The following PARL variants were observed in gnomAD, a reference collection of about 807,000 sequenced individuals.
The protein encoded by PARL is presenilin associated rhomboid like.
PARL carries 44 observed loss-of-function variants against 51.6 expected under a neutral mutation model. That is an observed-to-expected ratio of 0.85 (90% CI 0.67 to 1.10). PARL has a LOEUF of 1.10. PARL is among the 50% of genes least tolerant of loss of function. The probability of loss-of-function intolerance (pLI) is 0.00; values close to 1 mark genes in which losing one functional copy is unlikely to be tolerated. For missense variants in PARL, 441 were observed against 469.5 expected, an observed-to-expected ratio of 0.94 and a Z score of 0.56; for synonymous variants, 172 against 164.0, an observed-to-expected ratio of 1.05 and a Z score of -0.37.
chr3:183,882,222 A>AAAATATAT (rs1401913573), intron 1 of PARL, among the ~76,000 whole-genome samples: 2 of 46,104 alleles, frequency 4.3e-5, no homozygotes, highest in African/African-American at 7.9e-5. Flanking sequence ...AAAAAAAAAA[A>AAAATATAT]ATATATATAT....
intron 1 of PARL, among the ~76,000 whole-genome samples, chr3:183,868,800 C>T (rs1036933717): frequency 5.9e-5 from 9 of 152,156 alleles, no homozygotes; most frequent in Non-Finnish European, 1.3e-4. Flanking sequence ...GTCCTTGAAG[C>T]CACTCCAAAT....
intron 1 of PARL, among the ~76,000 whole-genome samples, chr3:183,881,271 G>A (rs1734406903): frequency 6.6e-6 from 1 of 151,968 alleles, no homozygotes; most frequent in South Asian, 2.1e-4. Flanking sequence ...ACAGGCCCCT[G>A]CCACCGTGCC....
At chr3:183,851,776 A>C (rs1730574635) in intron 4 of PARL, among the ~76,000 whole-genome samples, 1 of 152,214 alleles carries the variant, frequency 6.6e-6, no homozygotes, top group African/African-American at 2.4e-5. Context: ...ATACTCAATA[A>C]GCACATGAAA....
intron 1 of PARL, among the ~76,000 whole-genome samples, chr3:183,869,460 G>T (rs1199133631): frequency 6.6e-6 from 1 of 151,940 alleles, no homozygotes; most frequent in African/African-American, 2.4e-5. Context: ...CACCCGCATT[G>T]GCCTCCCAAA....
At chr3:183,836,217 C>CAAAAAAAAAAAAAA (rs56354792) in intron 7 of PARL, among the ~76,000 whole-genome samples, 3 of 84,290 alleles carry the variant, frequency 3.6e-5, no homozygotes, top group African/African-American at 1.6e-4. Flanking sequence ...AACTCCATCT[C>CAAAAAAAAAAAAAA]AAAAAAAAAA....
chr3:183,841,083 T>G (rs976421079), intron 6 of PARL, among the ~76,000 whole-genome samples: 4 of 152,120 alleles, frequency 2.6e-5, no homozygotes, highest in Non-Finnish European at 1.5e-5. Flanking sequence ...AACTATAACA[T>G]GAAGACTCAT....
intron 4 of PARL, among the ~76,000 whole-genome samples, chr3:183,847,980 T>C (rs1246511665): frequency 6.6e-6 from 1 of 152,228 alleles, no homozygotes; most frequent in Non-Finnish European, 1.5e-5. Context: ...TTGGCACTAC[T>C]GATTCAGGAA....
At chr3:183,830,986 T>G (rs1236396227) in intron 9 of PARL, among the ~76,000 whole-genome samples, 1 of 152,194 alleles carries the variant, frequency 6.6e-6, no homozygotes, top group African/African-American at 2.4e-5. Flanking sequence ...CCCAAATCTT[T>G]TTTGTTGTTA....
At chr3:183,872,823 G>C (rs1379860394) in intron 1 of PARL, among the ~76,000 whole-genome samples, 1 of 152,046 alleles carries the variant, frequency 6.6e-6, no homozygotes, top group African/African-American at 2.4e-5. Context: ...CCTTCTTTCT[G>C]CCTTAAATAA....
In PARL at chr3:183,833,791, C is replaced by G. The variant is rs751078630; in HGVS notation, c.863G>C (p.Cys288Ser). The G allele has an allele frequency of 6.2e-7, 1 of 1,613,272 alleles. No homozygotes were observed. The highest frequency in any genetic ancestry group is 1.7e-5 in the Admixed American group (1 of 60,022). The change falls in exon 8 of 10, where the codon TGC (cysteine) becomes TCC (serine). Residue 288 changes from cysteine to serine, a missense_variant. Physicochemically the swap from Cys to Ser is moderately radical, Grantham distance 112. Coordinates refer to ENST00000317096, the MANE Select transcript of PARL (RefSeq NM_018622.7). ...AAGCCTCCCTTCTGGGATCTTAGTG[C>G]AGACAGCTGCGAGGACTGTCATGAT... ...GAIMTVLAAV[C>S]TKIPEGRLAI...
intron 1 of PARL, among the ~76,000 whole-genome samples, chr3:183,870,881 T>A (rs1465730275): frequency 6.6e-6 from 1 of 152,138 alleles, no homozygotes; most frequent in Non-Finnish European, 1.5e-5. Flanking sequence ...CCCTTTAACT[T>A]TTTTGGGCCC....
intron 6 of PARL, among the ~76,000 whole-genome samples, chr3:183,840,867 T>C (rs1183752894): frequency 6.6e-6 from 1 of 152,026 alleles, no homozygotes; most frequent in Non-Finnish European, 1.5e-5. Context: ...CGGCACCACA[T>C]CCAGCCATGA....
At chr3:183,828,593 T>C (rs757786180), downstream of PARL, among the ~76,000 whole-genome samples, 2 of 152,210 alleles carry the variant, frequency 1.3e-5, no homozygotes, top group Non-Finnish European at 2.9e-5. Flanking sequence ...GGACAATTTC[T>C]ATGTGCTGGG....
downstream of PARL, among the ~76,000 whole-genome samples, chr3:183,827,445 C>A (rs1727503072): frequency 6.6e-6 from 1 of 152,014 alleles, no homozygotes; most frequent in Non-Finnish European, 1.5e-5. Flanking sequence ...GAGACCCTGT[C>A]TCAAATAAAT....
At chr3:183,833,453 C>T (rs1342920464) in intron 9 of PARL, 39 bp downstream of exon 9, 6 of 1,263,858 alleles carry the variant, frequency 4.7e-6, no homozygotes, top group Non-Finnish European at 7.0e-6. Context: ...GCGCATGACC[C>T]AAGGAAGCAG....
intron 1 of PARL, among the ~76,000 whole-genome samples, chr3:183,872,326 C>CT (rs1733315742): frequency 6.6e-6 from 1 of 152,114 alleles, no homozygotes; most frequent in Admixed American, 6.5e-5. Context: ...CTCTTCAACA[C>CT]TGAGTCCACT....
intron 4 of PARL, among the ~76,000 whole-genome samples, chr3:183,852,288 G>A (rs1435192942): frequency 6.6e-6 from 1 of 152,132 alleles, no homozygotes; most frequent in East Asian, 1.9e-4. Flanking sequence ...TAACCAAAAT[G>A]TGGTAAATAC....
chr3:183,867,352 A>T (rs1402189047), intron 2 of PARL, among the ~76,000 whole-genome samples: 1 of 152,192 alleles, frequency 6.6e-6, no homozygotes, highest in African/African-American at 2.4e-5. Context: ...CCATATGTTT[A>T]TTCTCTAGGG....
intron 1 of PARL, among the ~76,000 whole-genome samples, chr3:183,878,245 G>A (rs1000410947): frequency 1.3e-5 from 2 of 152,098 alleles, no homozygotes; most frequent in African/African-American, 4.8e-5. Context: ...CATGACAGAG[G>A]GAGTGTTCCA....
Sources: gnomAD v4.1 joint callset for allele counts (sites outside exome capture counted in the v4.1 genomes callset) on GRCh38, gnomAD v4.1.1 for gene constraint, MANE v1.5 for transcripts, NCBI Gene and HGNC (gene_info 2026-07-23, HGNC 2026-07-21) for gene names.